NIBAN3: variants seen among roughly 807,000 people sequenced by gnomAD.
The protein encoded by NIBAN3 is niban apoptosis regulator 3.
NIBAN3 carries 66 observed loss-of-function variants against 76.4 expected under a neutral mutation model. That is an observed-to-expected ratio of 0.86 (90% CI 0.71 to 1.06). The LOEUF is 1.06. NIBAN3 is among the 50% of genes least tolerant of loss of function. The probability of loss-of-function intolerance (pLI) is 0.00; values close to 1 mark genes in which losing one functional copy is unlikely to be tolerated. For synonymous variants in NIBAN3, 360 were observed against 355.2 expected, an observed-to-expected ratio of 1.01 and a Z score of -0.15; for missense variants, 808 against 810.7, an observed-to-expected ratio of 1.00 and a Z score of 0.04.
chr19:17,532,092 G>A (rs779926606), intron 2 of NIBAN3, among the ~76,000 whole-genome samples, 171 bp from the exon 3 acceptor site: 5 of 152,166 alleles, frequency 3.3e-5, no homozygotes, highest in South Asian at 2.1e-4. Context: ...AGGGCGGGGG[G>A]CTCCAGGAGC....
rs767397150 is a variant in NIBAN3 at position 17,546,712 on chromosome 19, C to T, written c.1581C>T (p.Val527=). The T allele has an allele frequency of 1.9e-6, 3 of 1,596,486 alleles. No homozygotes were observed. The highest frequency in any genetic ancestry group is 3.5e-5 in the Admixed American group (2 of 56,814). The part of the protein sequence containing the change: ...KKELPEFEGD[V]LAVGSQALTT... Reference sequence around the variant, plus strand: ...AGCTGCCTGAGTTCGAGGGGGATGTCCTTGCCGTGGGCAGCCAGGCTCTGA... The same window carrying T: ...AGCTGCCTGAGTTCGAGGGGGATGTTCTTGCCGTGGGCAGCCAGGCTCTGA... Residue 527 remains valine (V), a synonymous_variant, in exon 13 of 15, where the codon GTC becomes GTT. Transcript: ENST00000599164.
At chr19:17,544,338 G>A (rs990779595) in intron 12 of NIBAN3, among the ~76,000 whole-genome samples, 11 of 152,228 alleles carry the variant, frequency 7.2e-5, no homozygotes, top group Admixed American at 2.0e-4. Context: ...AGCTGGGTCA[G>A]GTGGCTTTTC....
At chr19:17,538,342 G>C (rs564277249) in intron 5 of NIBAN3, among the ~76,000 whole-genome samples, 16 of 151,612 alleles carry the variant, frequency 1.1e-4, no homozygotes, top group Non-Finnish European at 2.1e-4. Flanking sequence ...CATGAACCCA[G>C]GAGGTGGAGC....
intron 12 of NIBAN3, 118 bp downstream of exon 12, chr19:17,543,749 T>G (rs1456326782): frequency 2.4e-6 from 2 of 823,728 alleles, no homozygotes; most frequent in Non-Finnish European, 3.8e-6. Context: ...TCCCAGCAAT[T>G]TGGGAGGCCA....
rs74658358 is a variant in NIBAN3 at position 17,538,415 on chromosome 19, T to TAA, written c.596-717_596-716dup. ...TGGGCAACAGAGTGAGACTCTGTCTTAAAAAAAAAAAAAAAAAAAGATGAG... is the reference window on the plus strand; with the variant it reads ...TGGGCAACAGAGTGAGACTCTGTCTTAAAAAAAAAAAAAAAAAAAAAGATGAG... On this transcript the variant is annotated intron_variant, in intron 5 of 14. Coordinates refer to ENST00000599164, the MANE Select transcript of NIBAN3 (RefSeq NM_001321827.2). Among the ~76,000 whole-genome samples the TAA allele has an allele frequency of 4.7e-3, 540 of 115,114 alleles. 7 individuals are homozygous for TAA. Among genetic ancestry groups the TAA allele is most frequent in the African/African-American group, 0.016 (491 of 30,312 alleles). The allele number at this position is 115,114 out of a possible 152,430, so 75.5% of individuals were successfully genotyped here.
chr19:17,537,281 C>G, intron 4 of NIBAN3, 95 bp from the exon 5 acceptor site: 1 of 1,233,968 alleles, frequency 8.1e-7, no homozygotes, highest in East Asian at 2.4e-5. Context: ...ATTTATCGAG[C>G]AACTGCCCAT....
At chr19:17,545,228 G>A (rs1012029767) in intron 12 of NIBAN3, 2 of 144,952 alleles carry the variant, frequency 1.4e-5, no homozygotes, top group African/African-American at 5.3e-5. Flanking sequence ...TTTAGACGGA[G>A]TCTCACTCTG....
At position 17,546,813 on chromosome 19, in the gene NIBAN3, C is replaced by G. The variant is rs994228746; in HGVS notation, c.1666+16C>G. The stretch of plus-strand genomic sequence containing the variant: ...ATTGACCAAGGTGAGTCCCGCCCTG[C>G]CATGGCTCAGAGGAGCCTGGCGTCC... On this transcript the variant is annotated intron_variant, in intron 13 of 14. Transcript: ENST00000599164. 6.3e-7 allele frequency: 1 copy of G among 1,579,384 alleles called. No homozygotes were observed. The highest frequency in any genetic ancestry group is 1.3e-5 in the African/African-American group (1 of 74,548).
chr19:17,532,494 A>C, intron 3 of NIBAN3, 106 bp downstream of exon 3: 1 of 1,536,314 alleles, frequency 6.5e-7, no homozygotes, highest in Non-Finnish European at 9.0e-7. Context: ...CACCTCTATC[A>C]ATCACCCAGG....
At chr19:17,540,201 G>T in intron 8 of NIBAN3, 191 bp from the exon 9 acceptor site, 1 of 439,094 alleles carries the variant, frequency 2.3e-6, no homozygotes, top group Non-Finnish European at 4.1e-6. Context: ...GGCCAAGGTG[G>T]CCCCTACAAA....
At chr19:17,523,570 T>C, upstream of NIBAN3, 7 of 859,996 alleles carry the variant, frequency 8.1e-6, no homozygotes, top group Non-Finnish European at 7.3e-6. Context: ...TGAAGGGAAA[T>C]TGAGCTGCCA....
chr19:17,527,229 T>C (rs1365303231), upstream of NIBAN3: 1 of 1,548,454 alleles, frequency 6.5e-7, no homozygotes, highest in Admixed American at 2.0e-5. Flanking sequence ...GGGCGGGGCC[T>C]CTGAACCCAC....
chr19:17,543,625 C>CA lies in NIBAN3; in HGVS notation c.1553dup (p.Glu519GlyfsTer4). On this transcript the variant is annotated frameshift_variant, in exon 12 of 15. Coordinates refer to ENST00000599164, the MANE Select transcript of NIBAN3 (RefSeq NM_001321827.2). LOFTEE classifies it high-confidence loss of function. ...TGCTGAGCCAACTCGAGCCAGGCTG[C>CA]AAAAAGGTGAGTTAATGGGAAGTGT... 6.2e-7 allele frequency: 1 copy of CA among 1,610,702 alleles called. No homozygotes were observed. The highest frequency in any genetic ancestry group is 8.5e-7 in the Non-Finnish European group (1 of 1,178,560).
Position 17,539,334 on chromosome 19 carries a change from C to A in NIBAN3, c.712-13C>A. 1 of 1,549,942 alleles carries A rather than the reference C, an allele frequency of 6.5e-7. No homozygotes were observed. The highest frequency in any genetic ancestry group is 1.4e-5 in the African/African-American group (1 of 73,304). On this transcript the variant is annotated splice_polypyrimidine_tract_variant and intron_variant, in intron 6 of 14. Transcript: ENST00000599164. ...CCGGCCGACCGCGGCGCCCATGGCCCCCTCTCCTGCAGGTGCTGACCGCGG... is the reference window on the plus strand; with the variant it reads ...CCGGCCGACCGCGGCGCCCATGGCCACCTCTCCTGCAGGTGCTGACCGCGG...
chr19:17,551,138 C>T (rs1350281353), intron 14 of NIBAN3, among the ~76,000 whole-genome samples: 1 of 151,874 alleles, frequency 6.6e-6, no homozygotes, highest in Non-Finnish European at 1.5e-5. Flanking sequence ...GCTCTGTCAC[C>T]AGGCTGGAGT....
At chr19:17,523,502 G>A (rs768463525), upstream of NIBAN3, 15 of 1,534,914 alleles carry the variant, frequency 9.8e-6, no homozygotes, top group South Asian at 1.6e-4. Context: ...CTCAGCTGTG[G>A]GGCTGGTTGA....
intron 1 of NIBAN3, among the ~76,000 whole-genome samples, chr19:17,528,679 G>A (rs968613254): frequency 1.3e-5 from 2 of 152,092 alleles, no homozygotes; most frequent in Non-Finnish European, 2.9e-5. Context: ...GACATTGTGG[G>A]GTTGGTATTG....
intron 14 of NIBAN3, among the ~76,000 whole-genome samples, chr19:17,550,687 C>T (rs1434523895): frequency 1.3e-5 from 2 of 151,962 alleles, no homozygotes; most frequent in African/African-American, 2.4e-5. Flanking sequence ...CTAACAAATA[C>T]AAACATGAGT....
At chr19:17,530,995 T>C in intron 2 of NIBAN3, 110 bp downstream of exon 2, 2 of 1,236,550 alleles carry the variant, frequency 1.6e-6, no homozygotes, top group Non-Finnish European at 1.1e-6. Flanking sequence ...ATAGGATGAC[T>C]TTAAATATGC....
Sources: gnomAD v4.1 joint callset for allele counts (sites outside exome capture counted in the v4.1 genomes callset) on GRCh38, gnomAD v4.1.1 for gene constraint, MANE v1.5 for transcripts, NCBI Gene and HGNC (gene_info 2026-07-23, HGNC 2026-07-21) for gene names.